Variants in DNAJC6 observed in about 807,000 individuals in gnomAD.
DNAJC6 encodes the protein auxilin.
A neutral mutation model predicts 110.0 loss-of-function variants in DNAJC6; 34 were observed. The observed-to-expected ratio is 0.31, with a 90% CI of 0.24 to 0.41. DNAJC6 has a LOEUF of 0.41. Ranked by LOEUF, DNAJC6 falls within the 10% of genes least tolerant of loss-of-function variation. The pLI is 1.00. For missense variants in DNAJC6, 1,031 were observed against 1,207.8 expected (o/e 0.85, Z 2.17); for synonymous variants, 406 against 437.2 (o/e 0.93, Z 0.89).
At chr1:65,374,040 T>G (rs1296582483) in intron 4 of DNAJC6, among the ~76,000 whole-genome samples, 2 of 152,230 alleles carry the variant, frequency 1.3e-5, no homozygotes, top group Non-Finnish European at 2.9e-5. Context: ...GAAAAGACTG[T>G]CCTCTCCCAC....
Position 65,300,309 on chromosome 1 carries a change from AAGT to A in DNAJC6, c.-131+35379_-131+35381del, listed in dbSNP as rs1644967238. Among the ~76,000 whole-genome samples, 5 of 152,242 alleles carry A rather than the reference AAGT, an allele frequency of 3.3e-5. No homozygotes were observed. The South Asian group carries it at 1.0e-3, about 32-fold the overall frequency. ...CACCCTCAAGGTTAACTCATGGTCC[AAGT>A]ACCTGCTGGAGCTCCATATTCCAAC... On this transcript the variant is annotated intron_variant, in intron 1 of 19. Coordinates refer to the DNAJC6 transcript ENST00000263441.
At chr1:65,305,069 C>T (rs989102268), upstream of DNAJC6, among the ~76,000 whole-genome samples, 6 of 152,216 alleles carry the variant, frequency 3.9e-5, 1 homozygote, top group South Asian at 1.2e-3. Flanking sequence ...AGTTTCAATA[C>T]TGTGCATTGA....
In DNAJC6 at chr1:65,388,371, C is replaced by G; in HGVS notation, c.1149C>G (p.His383Gln). Residue 383 changes from histidine to glutamine, a missense_variant, in exon 9 of 19, where the codon CAC becomes CAG. Physicochemically the swap from His to Gln is conservative, Grantham distance 24. Transcript: ENST00000371069. ...TNTQIFQLQFHTGFIPLDTTV... is the reference protein window; with the variant it reads ...TNTQIFQLQFQTGFIPLDTTV... ...CACAGATATTCCAGCTTCAGTTTCACACTGGATTCATACCACTGGACACAA... is the reference window on the plus strand; with the variant it reads ...CACAGATATTCCAGCTTCAGTTTCAGACTGGATTCATACCACTGGACACAA... 1.9e-6 allele frequency: 3 copies of G among 1,614,122 alleles called. No homozygotes were observed.
At chr1:65,270,694 T>G (rs1050339097) in intron 1 of DNAJC6, among the ~76,000 whole-genome samples, 20 of 152,238 alleles carry the variant, frequency 1.3e-4, no homozygotes, top group Non-Finnish European at 2.1e-4. Context: ...TATTATTATT[T>G]TTGAGATGGA....
chr1:65,294,470 A>G (rs917947676), intron 1 of DNAJC6, among the ~76,000 whole-genome samples: 10 of 152,206 alleles, frequency 6.6e-5, no homozygotes, highest in Non-Finnish European at 1.0e-4. Flanking sequence ...AAAAGCTTCA[A>G]TCTTCTTAAA....
intron 4 of DNAJC6, 120 bp from the exon 5 acceptor site, chr1:65,379,282 T>G: frequency 1.6e-6 from 2 of 1,274,532 alleles, no homozygotes; most frequent in Non-Finnish European, 2.2e-6. Flanking sequence ...TTCCCACTAT[T>G]CCTATCTATA....
intron 14 of DNAJC6, among the ~76,000 whole-genome samples, chr1:65,400,261 CA>C (rs1455815592): frequency 1.1e-4 from 17 of 152,190 alleles, no homozygotes; most frequent in African/African-American, 4.1e-4. Flanking sequence ...AGTACACATA[CA>C]CTGTGATATG....
At chr1:65,381,422 A>G (rs9728544) in intron 5 of DNAJC6, among the ~76,000 whole-genome samples, 101,673 of 151,384 alleles carry the variant, frequency 0.67, 35,320 homozygotes, top group African/African-American at 0.87. Context: ...GGTGCTGTGC[A>G]CCTGTAATTC....
At chr1:65,317,642 T>C (rs929002096) in intron 1 of DNAJC6, among the ~76,000 whole-genome samples, 1 of 152,206 alleles carries the variant, frequency 6.6e-6, no homozygotes, top group East Asian at 1.9e-4. Context: ...AGAAAATTAC[T>C]GTTGTTGTAT....
Position 65,309,914 on chromosome 1 carries a change from C to A in DNAJC6, c.169C>A (p.Arg57Ser). ...ARSPARQPPD[R>S]ASTMDSSGAS... ...GAGTCCCGCCCGACAGCCTCCGGAC[C>A]GCGCCAGCACCATGGACAGCTCAGG... The change falls in exon 1 of 19, where the codon CGC (arginine) becomes AGC (serine). Residue 57 changes from arginine (R) to serine (S), a missense_variant. Physicochemically the swap from Arg to Ser is moderately radical, Grantham distance 110. Transcript: ENST00000371069. 1 of 1,531,034 alleles carries A rather than the reference C, an allele frequency of 6.5e-7. No individual in the cohort carries two copies. The highest frequency in any genetic ancestry group is 1.8e-4 in the Middle Eastern group (1 of 5,586). The allele number at this position is 1,531,034 out of a possible 1,614,324, so 94.8% of individuals were successfully genotyped here. A position where few individuals can be genotyped will look rare whatever the true frequency, so the allele number is the denominator to read the frequency against.
At chr1:65,387,911 A>G (rs1323792634) in intron 8 of DNAJC6, among the ~76,000 whole-genome samples, 1 of 152,204 alleles carries the variant, frequency 6.6e-6, no homozygotes, top group Non-Finnish European at 1.5e-5. Flanking sequence ...AAGTACAAAT[A>G]TGCATGATAC....
chr1:65,405,860 T>G lies in DNAJC6; in HGVS notation c.2228-10T>G. 1 of 1,582,424 alleles carries G rather than the reference T, an allele frequency of 6.3e-7. No homozygotes were observed. On this transcript the variant is annotated splice_polypyrimidine_tract_variant and intron_variant, in intron 15 of 18. Transcript: ENST00000371069. The stretch of plus-strand genomic sequence containing the variant: ...ATAGTTTTACCTTCTTTATCTCTTT[T>G]TTTCTTTAGGTAGTTCTTCCTTTGC...
rs1334922228 is a variant in DNAJC6, at chr1:65,415,725, T to A, written c.*2700T>A. On this transcript the variant is annotated 3_prime_UTR_variant, in exon 19 of 19. Coordinates refer to ENST00000371069, the MANE Select transcript of DNAJC6 (RefSeq NM_001256864.2). ...AAAAGCATTTGACCTGTCACTGTAC[T>A]ATCTACATGTGGAAGAATGTTCAAG... 1.3e-5 allele frequency: 2 copies of A among 152,254 alleles called. No individual in the cohort carries two copies. The highest frequency in any genetic ancestry group is 2.9e-5 in the Non-Finnish European group (2 of 68,044). 9.4% of individuals were successfully genotyped at this position (152,254 alleles called of 1,614,324 possible).
In DNAJC6 at chr1:65,415,765, C is replaced by T. The variant is rs893587931; in HGVS notation, c.*2740C>T. ...GAATGTTCAAGTTGAATCCTAATGC[C>T]GTGAATGAAACACAGTCTGTGTAGG... On this transcript the variant is annotated 3_prime_UTR_variant, in exon 19 of 19. Coordinates refer to ENST00000371069, the MANE Select transcript of DNAJC6 (RefSeq NM_001256864.2). 38 of 152,108 alleles carry T rather than the reference C, an allele frequency of 2.5e-4. No individual in the cohort carries two copies. The highest frequency in any genetic ancestry group is 8.2e-4 in the African/African-American group (34 of 41,432). The allele number at this position is 152,108 out of a possible 1,614,324, so 9.4% of individuals were successfully genotyped here.
At chr1:65,344,442 A>G (rs1334191006) in intron 1 of DNAJC6, among the ~76,000 whole-genome samples, 1 of 152,176 alleles carries the variant, frequency 6.6e-6, no homozygotes, top group Non-Finnish European at 1.5e-5. Flanking sequence ...AAAGCATGAC[A>G]TCCGACTCTT....
At chr1:65,318,033 A>G (rs776274987) in intron 1 of DNAJC6, among the ~76,000 whole-genome samples, 2 of 152,158 alleles carry the variant, frequency 1.3e-5, no homozygotes, top group African/African-American at 4.8e-5. Flanking sequence ...GGGAGGTGCT[A>G]TAGCAGATGG....
At chr1:65,299,866 A>G (rs921517379) in intron 1 of DNAJC6, among the ~76,000 whole-genome samples, 12 of 152,044 alleles carry the variant, frequency 7.9e-5, no homozygotes, top group Admixed American at 5.2e-4. Context: ...CCTGGCCAAC[A>G]TGCTGAAACC....
At chr1:65,342,476 A>G (rs1645397725) in intron 1 of DNAJC6, among the ~76,000 whole-genome samples, 1 of 152,148 alleles carries the variant, frequency 6.6e-6, no homozygotes. Context: ...GTGGGCCCTC[A>G]CTAGGTACCA....
intron 1 of DNAJC6, among the ~76,000 whole-genome samples, chr1:65,271,103 A>G (rs1048880823): frequency 6.6e-6 from 1 of 152,076 alleles, no homozygotes; most frequent in African/African-American, 2.4e-5. Flanking sequence ...AACTTAAAAA[A>G]CATTATTATT....
Sources: gnomAD v4.1 joint callset for allele counts (sites outside exome capture counted in the v4.1 genomes callset) on GRCh38, gnomAD v4.1.1 for gene constraint, MANE v1.5 for transcripts, NCBI Gene and HGNC (gene_info 2026-07-23, HGNC 2026-07-21) for gene names.